The following INPP4A variants were observed in gnomAD, a reference collection of about 807,000 sequenced individuals.
INPP4A encodes the protein inositol polyphosphate-4-phosphatase type I A.
INPP4A carries 33 observed loss-of-function variants against 119.8 expected under a neutral mutation model. The ratio of observed to expected loss-of-function variants is 0.28; its 90% CI spans 0.21 to 0.37. INPP4A has a LOEUF of 0.37. Ranked by LOEUF, INPP4A falls within the 10% of genes least tolerant of loss-of-function variation. The pLI is 1.00. For missense variants in INPP4A, 956 were observed against 1,289.9 expected, an observed-to-expected ratio of 0.74 and a Z score of 3.97; for synonymous variants, 496 against 500.7, an observed-to-expected ratio of 0.99 and a Z score of 0.12.
chr2:98,550,869 G>A (rs2106167280), intron 13 of INPP4A, among the ~76,000 whole-genome samples: 1 of 152,164 alleles, frequency 6.6e-6, no homozygotes, highest in South Asian at 2.1e-4. Context: ...AGGGTACACA[G>A]CCACCTCCTT....
In INPP4A at chr2:98,546,187, C is replaced by T. The variant is rs1692449178; in HGVS notation, c.1054+114C>T. On this transcript the variant is annotated intron_variant, in intron 12 of 24. Coordinates refer to ENST00000409851, the MANE Select transcript of INPP4A (RefSeq NM_001134225.2). This position sits in a 1 kb window ranked among gnomAD's most constrained non-coding sequence, Gnocchi z 4.2. ...ATTTCCCTGTGTGCTCTGGGCGGCT[C>T]GGAGGAGAGATTTGTCACAAGGACC... 4 of 703,050 alleles carry T rather than the reference C, an allele frequency of 5.7e-6. No homozygotes were observed. The highest frequency in any genetic ancestry group is 7.2e-6 in the Non-Finnish European group (3 of 415,610). 43.6% of individuals were successfully genotyped at this position (703,050 alleles called of 1,614,324 possible).
intron 4 of INPP4A, among the ~76,000 whole-genome samples, chr2:98,529,034 G>A (rs1688691471): frequency 6.8e-6 from 1 of 146,878 alleles, no homozygotes; most frequent in African/African-American, 2.6e-5. Flanking sequence ...AGCCGAGATC[G>A]CACCACTGCA....
intron 24 of INPP4A, among the ~76,000 whole-genome samples, chr2:98,579,581 G>A (rs766174380): frequency 1.3e-5 from 2 of 152,336 alleles, no homozygotes; most frequent in African/African-American, 4.8e-5. Context: ...CAGAGTGCAC[G>A]AGGCACTGCC....
At chr2:98,577,318 G>T (rs1037497215) in intron 24 of INPP4A, among the ~76,000 whole-genome samples, 175 bp downstream of exon 24, 1 of 152,208 alleles carries the variant, frequency 6.6e-6, no homozygotes, top group Non-Finnish European at 1.5e-5. Context: ...ATTCAGACAG[G>T]GTTCTCTTGT....
chr2:98,528,979 G>A (rs1443635643), intron 4 of INPP4A, among the ~76,000 whole-genome samples: 1 of 151,692 alleles, frequency 6.6e-6, no homozygotes, highest in African/African-American at 2.4e-5. Flanking sequence ...TCGGGAGGCT[G>A]AGGCAGGAGA....
intron 1 of INPP4A, among the ~76,000 whole-genome samples, chr2:98,514,243 G>A (rs1274275921): frequency 6.6e-6 from 1 of 152,206 alleles, no homozygotes; most frequent in Non-Finnish European, 1.5e-5. Flanking sequence ...CTCAGGGGAT[G>A]TGTTCAGGGT....
intron 4 of INPP4A, among the ~76,000 whole-genome samples, 154 bp from the exon 5 acceptor site, chr2:98,533,223 A>T (rs998097082): frequency 2.0e-5 from 3 of 152,220 alleles, no homozygotes; most frequent in Non-Finnish European, 2.9e-5. Context: ...TTTCAAATTT[A>T]AAAAATCACT....
intron 1 of INPP4A, among the ~76,000 whole-genome samples, chr2:98,488,438 G>C (rs866111856): frequency 6.6e-5 from 10 of 152,232 alleles, no homozygotes; most frequent in Middle Eastern, 3.4e-3. Flanking sequence ...TTTCCTTCTT[G>C]GGCTTTACCC....
chr2:98,447,859 AAC>A (rs1694468677), intron 1 of INPP4A, among the ~76,000 whole-genome samples: 2 of 152,192 alleles, frequency 1.3e-5, no homozygotes, highest in East Asian at 3.9e-4. Context: ...CATCCTGGCT[AAC>A]ACGGTGAAAC....
intron 1 of INPP4A, among the ~76,000 whole-genome samples, chr2:98,469,675 A>T (rs2104807956): frequency 6.6e-6 from 1 of 150,800 alleles, no homozygotes; most frequent in South Asian, 2.1e-4. Flanking sequence ...GTTGGGGCGC[A>T]TCCCTGTAAT....
chr2:98,589,455 T>C lies in INPP4A; in HGVS notation c.*1847T>C, dbSNP rs1398056703. The C allele has an allele frequency of 2.7e-5, 5 of 181,866 alleles. No homozygotes were observed. The highest frequency in any genetic ancestry group is 5.9e-5 in the Non-Finnish European group (5 of 85,342). The allele number at this position is 181,866 out of a possible 1,614,324, so 11.3% of individuals were successfully genotyped here. A position where few individuals can be genotyped will look rare whatever the true frequency, so the allele number is the denominator to read the frequency against. Reference sequence around the variant, plus strand: ...TATTACCCACATAGTTTTCAGATCTTTTTTGTCTGGAGAGCATTAAATATC... The same window carrying C: ...TATTACCCACATAGTTTTCAGATCTCTTTTGTCTGGAGAGCATTAAATATC... On this transcript the variant is annotated 3_prime_UTR_variant, in exon 25 of 25. Transcript: ENST00000409851.
At position 98,551,405 on chromosome 2, in the gene INPP4A, C is replaced by T. The variant is rs139139201; in HGVS notation, c.1164-1381C>T. On this transcript the variant is annotated intron_variant, in intron 13 of 24. Coordinates refer to ENST00000409851, the MANE Select transcript of INPP4A (RefSeq NM_001134225.2). ...CTGTTGTGCCCCACGAGCTTGAGTG[C>T]GGTCTGCTGCATGGGCTTCTGGCAC... Among the ~76,000 whole-genome samples the T allele has an allele frequency of 5.5e-4, 83 of 152,278 alleles. No homozygotes were observed. The South Asian group carries it at 0.013, about 23-fold the overall frequency.
intron 24 of INPP4A, among the ~76,000 whole-genome samples, chr2:98,579,121 T>C (rs900002570): frequency 2.6e-5 from 4 of 152,066 alleles, no homozygotes; most frequent in Non-Finnish European, 5.9e-5. Context: ...GGTGCAGTCT[T>C]GGCTCACTGC....
At chr2:98,504,116 G>A (rs1180294161) in intron 1 of INPP4A, among the ~76,000 whole-genome samples, 5 of 152,210 alleles carry the variant, frequency 3.3e-5, no homozygotes, top group African/African-American at 1.2e-4. Flanking sequence ...TCAGTTCACT[G>A]TGGAAGAGGC....
rs965462557 is a variant in INPP4A at position 98,508,593 on chromosome 2, C to T, written c.-165-10371C>T. ...GATGAGGGGGTTGAAATACTGGATG[C>T]TTTCCTCGGTCCTTTCATACACTTA... On this transcript the variant is annotated intron_variant, in intron 1 of 24. Coordinates refer to ENST00000409851, the MANE Select transcript of INPP4A (RefSeq NM_001134225.2). Among the ~76,000 whole-genome samples, 12 of 152,324 alleles carry T rather than the reference C, an allele frequency of 7.9e-5. No homozygotes were observed. In the East Asian group the frequency reaches 2.3e-3, roughly 29 times the overall value.
At chr2:98,506,880 A>G (rs971979732) in intron 1 of INPP4A, among the ~76,000 whole-genome samples, 1 of 152,204 alleles carries the variant, frequency 6.6e-6, no homozygotes, top group African/African-American at 2.4e-5. Flanking sequence ...CAGCATTTTC[A>G]GGGCTGCATT....
At chr2:98,517,399 G>C (rs1686352640) in intron 1 of INPP4A, among the ~76,000 whole-genome samples, 1 of 152,162 alleles carries the variant, frequency 6.6e-6, no homozygotes, top group African/African-American at 2.4e-5. Context: ...CAGGTCACAG[G>C]GTAGGTGCAT....
Position 98,546,188 on chromosome 2 carries a change from G to A in INPP4A, c.1054+115G>A, listed in dbSNP as rs576055271. On this transcript the variant is annotated intron_variant, in intron 12 of 24. Transcript: ENST00000409851. The surrounding 1 kb of genome is among the most constrained non-coding windows in gnomAD (Gnocchi z 4.2). ...TTTCCCTGTGTGCTCTGGGCGGCTC[G>A]GAGGAGAGATTTGTCACAAGGACCT... The A allele has an allele frequency of 2.6e-4, 179 of 698,088 alleles. No individual in the cohort carries two copies. Among genetic ancestry groups the A allele is most frequent in the African/African-American group, 2.3e-3 (125 of 55,548 alleles). 43.2% of individuals were successfully genotyped at this position (698,088 alleles called of 1,614,324 possible). A position where few individuals can be genotyped will look rare whatever the true frequency, so the allele number is the denominator to read the frequency against.
In INPP4A at chr2:98,564,782, G is replaced by C. The variant is rs746418219; in HGVS notation, c.2152+19G>C. 28 of 1,562,640 alleles carry C rather than the reference G, an allele frequency of 1.8e-5. No homozygotes were observed. Among genetic ancestry groups the C allele is most frequent in the Non-Finnish European group, 2.3e-5 (26 of 1,151,856 alleles). On this transcript the variant is annotated intron_variant, in intron 19 of 24. Transcript: ENST00000409851. ...ACCTACGGTGAGGCGCCCGGGCCAG[G>C]ATCGGGAGCCCCACTTGCGTGTGTG...
Sources: gnomAD v4.1 joint callset for allele counts (sites outside exome capture counted in the v4.1 genomes callset) on GRCh38, gnomAD v4.1.1 for gene constraint, Gnocchi (gnomAD v3.1) non-coding constraint, MANE v1.5 for transcripts, NCBI Gene and HGNC (gene_info 2026-07-23, HGNC 2026-07-21) for gene names.